The following DENND1A variants were observed in gnomAD, a reference collection of about 807,000 sequenced individuals.
The protein encoded by DENND1A is DENN domain-containing protein 1A.
A neutral mutation model predicts 113.7 loss-of-function variants in DENND1A; 51 were observed. That is an observed-to-expected ratio of 0.45 (90% CI 0.36 to 0.57). The LOEUF is 0.57. Ranked by LOEUF, DENND1A falls within the 20% of genes least tolerant of loss-of-function variation. The pLI is 0.00. For missense variants in DENND1A, 1,258 were observed against 1,395.9 expected, an observed-to-expected ratio of 0.90 and a Z score of 1.57; for synonymous variants, 565 against 570.8, an observed-to-expected ratio of 0.99 and a Z score of 0.14.
chr9:123,856,928 G>A (rs1465457359), intron 2 of DENND1A, among the ~76,000 whole-genome samples: 2 of 152,076 alleles, frequency 1.3e-5, no homozygotes, highest in Admixed American at 1.3e-4. Flanking sequence ...TACAAATATG[G>A]AAAGGGAGAA....
At chr9:123,498,725 C>CTT (rs11449926) in intron 13 of DENND1A, among the ~76,000 whole-genome samples, 7 of 140,360 alleles carry the variant, frequency 5.0e-5, no homozygotes, top group African/African-American at 7.7e-5. Context: ...CTCTCTCTCT[C>CTT]TTTTTTTTTT....
intron 2 of DENND1A, among the ~76,000 whole-genome samples, chr9:123,836,746 T>C (rs1841104447): frequency 6.6e-6 from 1 of 152,148 alleles, no homozygotes; most frequent in African/African-American, 2.4e-5. Flanking sequence ...TTTTTATAAA[T>C]AATTTTTAAT....
At chr9:123,891,272 C>T (rs1418382616) in intron 1 of DENND1A, among the ~76,000 whole-genome samples, 1 of 152,186 alleles carries the variant, frequency 6.6e-6, no homozygotes, top group Non-Finnish European at 1.5e-5. Context: ...TGCCACTGCT[C>T]CATTTGGACC....
intron 9 of DENND1A, among the ~76,000 whole-genome samples, chr9:123,635,057 A>AT (rs1438040340): frequency 6.6e-6 from 1 of 151,472 alleles, no homozygotes; most frequent in African/African-American, 2.4e-5. Flanking sequence ...AGAGTGATCA[A>AT]TGACGGAGTG....
chr9:123,828,089 C>G (rs1839636542), intron 2 of DENND1A, among the ~76,000 whole-genome samples: 1 of 151,906 alleles, frequency 6.6e-6, no homozygotes, highest in Non-Finnish European at 1.5e-5. Flanking sequence ...GCCTCAGACA[C>G]AGTTATTTCA....
At chr9:123,384,711 G>A (rs957271477) in intron 22 of DENND1A, among the ~76,000 whole-genome samples, 5 of 152,200 alleles carry the variant, frequency 3.3e-5, no homozygotes, top group African/African-American at 1.2e-4. Flanking sequence ...ACTTTGGGAG[G>A]CCGAGGCGGG....
chr9:123,758,421 C>T (rs1462201033), intron 4 of DENND1A, among the ~76,000 whole-genome samples: 4 of 152,160 alleles, frequency 2.6e-5, no homozygotes, highest in African/African-American at 9.7e-5. Flanking sequence ...TCCCATTTTA[C>T]AGAAAAGGAA....
At position 123,764,556 on chromosome 9, in the gene DENND1A, A is replaced by T. The variant is rs1254862900; in HGVS notation, c.182+4958T>A. ...AAGTGGTGAGAATGACATGGACCCA[A>T]AATATGAGGGGACCAACAGTAAGTG... On this transcript the variant is annotated intron_variant, in intron 4 of 23. Coordinates refer to ENST00000394215, the MANE Select transcript of DENND1A (RefSeq NM_001352964.2). This position sits in a 1 kb window ranked among gnomAD's most constrained non-coding sequence, Gnocchi z 4.1. Among the ~76,000 whole-genome samples, 1 of 152,174 alleles carries T rather than the reference A, an allele frequency of 6.6e-6. No individual in the cohort carries two copies. Among genetic ancestry groups the T allele is most frequent in the Non-Finnish European group, 1.5e-5 (1 of 68,032 alleles).
intron 10 of DENND1A, among the ~76,000 whole-genome samples, chr9:123,617,103 A>T (rs2060688555): frequency 6.6e-6 from 1 of 152,226 alleles, no homozygotes; most frequent in African/African-American, 2.4e-5. Flanking sequence ...GGTGAGAAGT[A>T]GAAAGTATGG....
In DENND1A at chr9:123,714,830, C is replaced by A. The variant is rs576338619; in HGVS notation, c.303-38041G>T. ...CAGGTTGGTTGCTAGGAATATATTTCTCCACAGTCAGGTTTCATTGGCTTC... is the reference window on the plus strand; with the variant it reads ...CAGGTTGGTTGCTAGGAATATATTTATCCACAGTCAGGTTTCATTGGCTTC... On this transcript the variant is annotated intron_variant, in intron 5 of 23. Transcript: ENST00000394215. Among the ~76,000 whole-genome samples the A allele has an allele frequency of 9.2e-5, 14 of 152,286 alleles. 1 individual carries two copies. The South Asian group carries it at 2.1e-3, about 23-fold the overall frequency.
chr9:123,689,353 G>T (rs2065022123), intron 5 of DENND1A, among the ~76,000 whole-genome samples: 1 of 152,140 alleles, frequency 6.6e-6, no homozygotes, highest in South Asian at 2.1e-4. Context: ...ACTCATATAG[G>T]ATTGAATGAA....
At chr9:123,680,330 A>G (rs1425952556) in intron 5 of DENND1A, among the ~76,000 whole-genome samples, 1 of 152,170 alleles carries the variant, frequency 6.6e-6, no homozygotes, top group Non-Finnish European at 1.5e-5. Context: ...TGAGGTAATA[A>G]GTTTTAAACT....
chr9:123,590,872 A>C (rs1471405415), intron 11 of DENND1A, among the ~76,000 whole-genome samples: 2 of 152,334 alleles, frequency 1.3e-5, no homozygotes, highest in African/African-American at 4.8e-5. Flanking sequence ...AGCCAACCAT[A>C]CAAGGTAAGA....
At chr9:123,684,753 C>T (rs946718954) in intron 5 of DENND1A, among the ~76,000 whole-genome samples, 1 of 152,206 alleles carries the variant, frequency 6.6e-6, no homozygotes, top group African/African-American at 2.4e-5. Flanking sequence ...ATGGCATCTA[C>T]CCACATATTT....
chr9:123,621,887 G>A (rs79573797), intron 10 of DENND1A, among the ~76,000 whole-genome samples: 8,264 of 152,260 alleles, frequency 0.054, 249 homozygotes, highest in African/African-American at 0.062. Context: ...ATGCCCCATC[G>A]CCTATGTGGA....
At chr9:123,734,887 T>G in intron 5 of DENND1A, among the ~76,000 whole-genome samples, 1 of 152,176 alleles carries the variant, frequency 6.6e-6, no homozygotes, top group East Asian at 1.9e-4. Context: ...AAGTTGTCAC[T>G]AGGTAAAACT....
Position 123,641,518 on chromosome 9 carries a change from G to A in DENND1A, c.618+10495C>T, listed in dbSNP as rs895937751. ...CACCGGTGGACTGCACTGGTATTCCGTAAAATTACTGAGAGCCTGAACAGA... is the reference window on the plus strand; with the variant it reads ...CACCGGTGGACTGCACTGGTATTCCATAAAATTACTGAGAGCCTGAACAGA... On this transcript the variant is annotated intron_variant, in intron 9 of 23. Transcript: ENST00000394215. Among the ~76,000 whole-genome samples, 7 of 150,764 alleles carry A rather than the reference G, an allele frequency of 4.6e-5. No individual in the cohort carries two copies. The East Asian group carries it at 5.8e-4, about 13-fold the overall frequency.
At chr9:123,926,567 C>CAAA (rs746978969) in intron 1 of DENND1A, among the ~76,000 whole-genome samples, 7 of 40,972 alleles carry the variant, frequency 1.7e-4, no homozygotes, top group Admixed American at 5.6e-4. Flanking sequence ...AACTCCATCT[C>CAAA]AAAAAAAAAA....
chr9:123,821,840 G>A (rs1037027044), intron 2 of DENND1A, among the ~76,000 whole-genome samples: 4 of 152,108 alleles, frequency 2.6e-5, no homozygotes, highest in South Asian at 2.1e-4. Flanking sequence ...GCAACCACCC[G>A]GCTCCAGCCC....
Sources: allele counts gnomAD v4.1 joint callset (sites outside exome capture counted in the v4.1 genomes callset), GRCh38; gene constraint gnomAD v4.1.1; non-coding constraint Gnocchi (gnomAD v3.1); transcripts MANE v1.5; gene names NCBI Gene and HGNC (gene_info 2026-07-23, HGNC 2026-07-21).